ITCH: variants seen among roughly 807,000 people sequenced by gnomAD.
ITCH encodes the protein itchy E3 ubiquitin protein ligase, also known as E3 ubiquitin-protein ligase Itchy homolog.
ITCH carries 28 observed loss-of-function variants against 126.8 expected under a neutral mutation model. The ratio of observed to expected loss-of-function variants is 0.22; its 90% CI spans 0.16 to 0.30. The LOEUF is 0.30. Among genes scored for constraint, ITCH ranks in the 10% least tolerant of loss-of-function variants. ITCH has a pLI of 1.00. For synonymous variants in ITCH, 342 were observed against 340.0 expected, an observed-to-expected ratio of 1.01 and a Z score of -0.06; for missense variants, 631 against 1,032.4, an observed-to-expected ratio of 0.61 and a Z score of 5.33.
At chr20:34,485,777 G>GGATC (rs1989062127) in intron 20 of ITCH, among the ~76,000 whole-genome samples, 1 of 152,094 alleles carries the variant, frequency 6.6e-6, no homozygotes, top group South Asian at 2.1e-4. Context: ...TAAACTCCTG[G>GGATC]GATCAAAGGA....
chr20:34,439,205 A>G (rs1054317992), intron 8 of ITCH, among the ~76,000 whole-genome samples: 2 of 152,244 alleles, frequency 1.3e-5, no homozygotes, highest in Admixed American at 1.3e-4. Context: ...ACCAAATATT[A>G]CTAGAAAAGT....
chr20:34,419,583 A>G (rs1030879236), intron 6 of ITCH, among the ~76,000 whole-genome samples: 3 of 151,994 alleles, frequency 2.0e-5, no homozygotes, highest in African/African-American at 4.8e-5. Flanking sequence ...GGTTCAGGCA[A>G]TTCTCCTGCC....
At chr20:34,429,828 G>C (rs947439018) in intron 7 of ITCH, among the ~76,000 whole-genome samples, 1 of 151,902 alleles carries the variant, frequency 6.6e-6, no homozygotes, top group Non-Finnish European at 1.5e-5. Flanking sequence ...AGTGTGTAAA[G>C]TAAAATGTAT....
At chr20:34,384,753 C>T (rs528288143) in intron 2 of ITCH, among the ~76,000 whole-genome samples, 1 of 150,810 alleles carries the variant, frequency 6.6e-6, no homozygotes, top group South Asian at 2.1e-4. Context: ...CTCTGCCTCC[C>T]GGGTTCTTGC....
intron 6 of ITCH, chr20:34,416,985 C>T (rs1601848808): frequency 2.3e-6 from 1 of 440,254 alleles, no homozygotes; most frequent in East Asian, 5.6e-5. Flanking sequence ...TCTCAGCTCA[C>T]TGCAACCTCT....
In ITCH at chr20:34,507,841, T is replaced by C; in HGVS notation, c.*47T>C. ...AATGGGCAAGAACTTATTTGCAATGTTTGTCCTTCTCTGCCTGTTGCACAT... is the reference window on the plus strand; with the variant it reads ...AATGGGCAAGAACTTATTTGCAATGCTTGTCCTTCTCTGCCTGTTGCACAT... On this transcript the variant is annotated 3_prime_UTR_variant, in exon 25 of 25. Transcript: ENST00000374864. The C allele has an allele frequency of 7.3e-7, 1 of 1,376,422 alleles. No individual in the cohort carries two copies. The highest frequency in any genetic ancestry group is 1.0e-6 in the Non-Finnish European group (1 of 964,396). The allele number at this position is 1,376,422 out of a possible 1,614,324, so 85.3% of individuals were successfully genotyped here.
rs751389446 is a variant in ITCH at position 34,471,426 on chromosome 20, G to A, written c.1498-18G>A. 4.6e-6 allele frequency: 7 copies of A among 1,518,916 alleles called. No individual in the cohort carries two copies. In the South Asian group the frequency reaches 6.7e-5, roughly 15 times the overall value. 94.1% of individuals were successfully genotyped at this position (1,518,916 alleles called of 1,614,324 possible). A position where few individuals can be genotyped will look rare whatever the true frequency, so the allele number is the denominator to read the frequency against. Reference sequence around the variant, plus strand: ...ATTTTAATGATGAGAGTTGACTTAAGTCATTCTTCTATTTCAGCAACTGGC... The same window carrying A: ...ATTTTAATGATGAGAGTTGACTTAAATCATTCTTCTATTTCAGCAACTGGC... On this transcript the variant is annotated intron_variant, in intron 15 of 24. Coordinates refer to ENST00000374864, the MANE Select transcript of ITCH (RefSeq NM_031483.7).
intron 23 of ITCH, among the ~76,000 whole-genome samples, chr20:34,494,767 T>C (rs908031166): frequency 1.3e-5 from 2 of 151,788 alleles, no homozygotes; most frequent in Non-Finnish European, 2.9e-5. Flanking sequence ...GAGACAAGCC[T>C]GGGCAATATA....
intron 10 of ITCH, 125 bp downstream of exon 10, chr20:34,442,428 G>A: frequency 1.4e-6 from 1 of 726,692 alleles, no homozygotes; most frequent in Non-Finnish European, 2.4e-6. Flanking sequence ...ACTTTGTTTT[G>A]TGGTAAGTAC....
chr20:34,392,525 G>A (rs1200926925), intron 2 of ITCH, among the ~76,000 whole-genome samples: 1 of 152,128 alleles, frequency 6.6e-6, no homozygotes, highest in Non-Finnish European at 1.5e-5. Flanking sequence ...TTGCAGAATT[G>A]AGAAGCCATC....
rs767283309 is a variant in ITCH at position 34,480,663 on chromosome 20, A to ACT, written c.1884_1885insTC (p.Lys629SerfsTer9). The ACT allele has an allele frequency of 6.2e-7, 1 of 1,612,886 alleles. No homozygotes were observed. Reference sequence around the variant, plus strand: ...TTACCATTCTATAAGCGTATCTTGAACAAACCAGTTGGACTCAAGGATTTA... The same window carrying ACT: ...TTACCATTCTATAAGCGTATCTTGAACTCAAACCAGTTGGACTCAAGGATTTA... On this transcript the variant is annotated frameshift_variant, in exon 19 of 25. Coordinates refer to ENST00000374864, the MANE Select transcript of ITCH (RefSeq NM_031483.7). LOFTEE classifies it high-confidence loss of function.
Position 34,409,139 on chromosome 20 carries a change from TCC to T in ITCH, c.212+358_212+359del, listed in dbSNP as rs55788421. 3.4e-3 allele frequency among the ~76,000 whole-genome samples: 284 copies of T among 82,742 alleles called. 8 individuals carry two copies. The highest frequency in any genetic ancestry group is 0.014 in the Middle Eastern group (2 of 146). The allele number at this position is 82,742 out of a possible 152,430, so 54.3% of individuals were successfully genotyped here. A position where few individuals can be genotyped will look rare whatever the true frequency, so the allele number is the denominator to read the frequency against. The stretch of plus-strand genomic sequence containing the variant: ...GGTTGAATTAAGGGATTATGAGTAC[TCC>T]CCCCCCCCCCGGTTTTTAACTTAAT... On this transcript the variant is annotated intron_variant, in intron 4 of 24. Coordinates refer to ENST00000374864, the MANE Select transcript of ITCH (RefSeq NM_031483.7).
intron 20 of ITCH, among the ~76,000 whole-genome samples, chr20:34,486,861 A>G (rs1373430709): frequency 6.7e-6 from 1 of 150,120 alleles, no homozygotes; most frequent in Non-Finnish European, 1.5e-5. Flanking sequence ...CCACACCCAC[A>G]TGACGAGATG....
rs376476053 is a variant in ITCH at position 34,461,690 on chromosome 20, G to A, written c.1296-403G>A. On this transcript the variant is annotated intron_variant, in intron 13 of 24. Transcript: ENST00000374864. ...CGTGCCCCTGCACTCCAGCCTGGGC[G>A]ACAGTGAGACTCCATCTATAAAAAA... Among the ~76,000 whole-genome samples the A allele has an allele frequency of 1.3e-3, 182 of 143,480 alleles. 1 individual carries two copies. Among genetic ancestry groups the A allele is most frequent in the African/African-American group, 4.6e-3 (177 of 38,184 alleles). The allele number at this position is 143,480 out of a possible 152,430, so 94.1% of individuals were successfully genotyped here.
intron 17 of ITCH, among the ~76,000 whole-genome samples, chr20:34,478,744 T>A (rs1988458523): frequency 6.6e-6 from 1 of 152,202 alleles, no homozygotes; most frequent in African/African-American, 2.4e-5. Flanking sequence ...ATATTATGTT[T>A]CTGAGTTTAA....
intron 7 of ITCH, among the ~76,000 whole-genome samples, chr20:34,433,738 C>A (rs932066472): frequency 3.3e-5 from 5 of 151,262 alleles, no homozygotes; most frequent in African/African-American, 1.2e-4. Context: ...TTTCTGCAGT[C>A]ATTCAAAATG....
At chr20:34,449,540 G>A (rs1984936861) in intron 12 of ITCH, 60 bp downstream of exon 12, 3 of 1,127,652 alleles carry the variant, frequency 2.7e-6, no homozygotes, top group Admixed American at 1.7e-5. Context: ...TCTTCCAATT[G>A]TGTCATTTTA....
intron 12 of ITCH, among the ~76,000 whole-genome samples, chr20:34,455,474 ATT>A (rs1199707564): frequency 7.9e-5 from 11 of 139,008 alleles, no homozygotes; most frequent in Non-Finnish European, 4.7e-5. Flanking sequence ...TGATATCCAC[ATT>A]TTTTTTTTTT....
chr20:34,437,441 G>C (rs1027034123), intron 7 of ITCH, among the ~76,000 whole-genome samples: 2 of 152,060 alleles, frequency 1.3e-5, no homozygotes, highest in Admixed American at 6.6e-5. Context: ...GAGTAGCTTC[G>C]ACTACAGGCG....
Sources: allele counts gnomAD v4.1 joint callset (sites outside exome capture counted in the v4.1 genomes callset), GRCh38; gene constraint gnomAD v4.1.1; transcripts MANE v1.5; gene names NCBI Gene and HGNC (gene_info 2026-07-23, HGNC 2026-07-21).